PATJ: variants seen among roughly 807,000 people sequenced by gnomAD.
PATJ encodes inaD-like protein.
A neutral mutation model predicts 224.9 loss-of-function variants in PATJ; 190 were observed. That is an observed-to-expected ratio of 0.84 (90% CI 0.75 to 0.95). PATJ has a LOEUF of 0.95. Among genes scored for constraint, PATJ ranks in the 40% least tolerant of loss-of-function variants. The pLI, the probability that PATJ is intolerant of heterozygous loss-of-function variation, is 0.00. For missense variants in PATJ, 2,121 were observed against 2,270.3 expected (o/e 0.93, Z 1.34); for synonymous variants, 769 against 820.3 (o/e 0.94, Z 1.07).
chr1:62,096,687 C>T (rs1265897743), intron 33 of PATJ, among the ~76,000 whole-genome samples: 2 of 152,152 alleles, frequency 1.3e-5, no homozygotes, highest in African/African-American at 4.8e-5. Flanking sequence ...GCGATCTCAG[C>T]TCACTGCAAC....
At chr1:62,056,000 G>A (rs554791636) in intron 31 of PATJ, among the ~76,000 whole-genome samples, 1 of 152,240 alleles carries the variant, frequency 6.6e-6, no homozygotes, top group Admixed American at 6.5e-5. Flanking sequence ...ATGTCCAGGG[G>A]CAGGAGAAAA....
chr1:61,918,897 G>T (rs1366499132), intron 26 of PATJ, among the ~76,000 whole-genome samples: 1 of 151,934 alleles, frequency 6.6e-6, no homozygotes. Flanking sequence ...AGGGAAGGCC[G>T]CAGTGAGCCA....
At chr1:61,973,922 G>A (rs1683312838) in intron 27 of PATJ, among the ~76,000 whole-genome samples, 1 of 151,880 alleles carries the variant, frequency 6.6e-6, no homozygotes, top group Admixed American at 6.5e-5. Context: ...GGACTATAAA[G>A]GCATTTTGAG....
At chr1:62,100,839 G>T (rs925962812) in intron 33 of PATJ, among the ~76,000 whole-genome samples, 2 of 152,156 alleles carry the variant, frequency 1.3e-5, no homozygotes. Context: ...GCCCTGAACA[G>T]ACATTCATGA....
chr1:61,829,854 A>T (rs189556044), intron 16 of PATJ, among the ~76,000 whole-genome samples: 16 of 152,152 alleles, frequency 1.1e-4, no homozygotes, highest in Non-Finnish European at 1.9e-4. Context: ...TAAAACATCA[A>T]TCATGTTGTA....
At chr1:61,955,819 T>C (rs1571492402) in intron 27 of PATJ, among the ~76,000 whole-genome samples, 1 of 152,324 alleles carries the variant, frequency 6.6e-6, no homozygotes, top group African/African-American at 2.4e-5. Context: ...ATTTTTCGTG[T>C]CTTCATGCAT....
intron 38 of PATJ, among the ~76,000 whole-genome samples, chr1:62,122,607 T>C (rs1665211844): frequency 6.6e-6 from 1 of 151,642 alleles, no homozygotes. Flanking sequence ...GGTGGATCAC[T>C]TGAGGTCGAG....
chr1:61,766,751 G>A (rs1646294968), intron 4 of PATJ, among the ~76,000 whole-genome samples: 1 of 152,096 alleles, frequency 6.6e-6, no homozygotes, highest in African/African-American at 2.4e-5. Flanking sequence ...TCTTGCTAAG[G>A]AGAGTTTTTA....
At chr1:62,159,803 C>A (rs1669672125) in intron 43 of PATJ, among the ~76,000 whole-genome samples, 2 of 152,124 alleles carry the variant, frequency 1.3e-5, no homozygotes, top group African/African-American at 4.8e-5. Context: ...CTGAGATTCC[C>A]AAAGTGCTGG....
intron 33 of PATJ, among the ~76,000 whole-genome samples, chr1:62,102,214 A>C (rs1347160364): frequency 2.8e-5 from 4 of 145,420 alleles, no homozygotes; most frequent in African/African-American, 1.0e-4. Context: ...AATAAATAAA[A>C]CGTTCAAAAG....
At chr1:62,080,398 C>T (rs536100738) in intron 32 of PATJ, among the ~76,000 whole-genome samples, 1 of 152,116 alleles carries the variant, frequency 6.6e-6, no homozygotes, top group South Asian at 2.1e-4. Flanking sequence ...GGGGGCTGAT[C>T]TCAGCTCACT....
intron 31 of PATJ, among the ~76,000 whole-genome samples, chr1:62,077,838 TAGC>T (rs1267924528): frequency 2.6e-5 from 4 of 152,218 alleles, no homozygotes; most frequent in Non-Finnish European, 5.9e-5. Flanking sequence ...TTTCTCTAAT[TAGC>T]AGTGTGATTT....
intron 22 of PATJ, among the ~76,000 whole-genome samples, chr1:61,891,918 T>G (rs1431124965): frequency 2.0e-5 from 3 of 152,224 alleles, no homozygotes; most frequent in African/African-American, 7.2e-5. Flanking sequence ...CAACCACTAA[T>G]CTTATTTCTA....
At chr1:61,982,149 C>T (rs1644485697) in intron 27 of PATJ, among the ~76,000 whole-genome samples, 2 of 151,922 alleles carry the variant, frequency 1.3e-5, no homozygotes, top group Non-Finnish European at 2.9e-5. Context: ...GTGGCCACTT[C>T]AGGAGAAGGG....
At chr1:62,129,513 A>G (rs1038118290) in intron 41 of PATJ, among the ~76,000 whole-genome samples, 21 of 152,220 alleles carry the variant, frequency 1.4e-4, no homozygotes, top group Non-Finnish European at 2.5e-4. Flanking sequence ...ACCCCTGCTT[A>G]TATTTTAGCC....
intron 13 of PATJ, among the ~76,000 whole-genome samples, chr1:61,805,783 G>A (rs1391280943): frequency 1.3e-5 from 2 of 152,110 alleles, no homozygotes; most frequent in Non-Finnish European, 2.9e-5. Flanking sequence ...CATTTAAGTC[G>A]ACAATAGACA....
chr1:61,780,893 T>A (rs991611884), intron 7 of PATJ, among the ~76,000 whole-genome samples: 41 of 152,198 alleles, frequency 2.7e-4, no homozygotes, highest in South Asian at 2.1e-4. Context: ...CTGGAAGGGA[T>A]CGTCACTATT....
chr1:61,912,364 T>G (rs1672785834), intron 25 of PATJ, among the ~76,000 whole-genome samples: 1 of 151,730 alleles, frequency 6.6e-6, no homozygotes, highest in Non-Finnish European at 1.5e-5. Context: ...GAGGCTGAGG[T>G]GAGAGGATCA....
intron 33 of PATJ, among the ~76,000 whole-genome samples, chr1:62,085,366 AAC>A (rs1659833070): frequency 6.6e-6 from 1 of 151,876 alleles, no homozygotes; most frequent in African/African-American, 2.4e-5. Flanking sequence ...AAAAAAAACA[AAC>A]AAAAAACTTT....
Sources: allele counts gnomAD v4.1 joint callset (sites outside exome capture counted in the v4.1 genomes callset), GRCh38; gene constraint gnomAD v4.1.1; transcripts MANE v1.5; gene names NCBI Gene and HGNC (gene_info 2026-07-23, HGNC 2026-07-21).